The following SCML1 variants were observed in gnomAD, a reference collection of about 807,000 sequenced individuals.
SCML1 encodes the protein Scm polycomb group protein like 1, also known as sex comb on midleg-like protein 1.
For missense variants in SCML1, 137 were observed against 258.1 expected, an observed-to-expected ratio of 0.53 and a Z score of 3.22; for synonymous variants, 104 against 103.6, an observed-to-expected ratio of 1.00 and a Z score of -0.02.
chrX:17,753,477 G>A lies in SCML1; in HGVS notation c.*85G>A. ...TGTGGAATCATTTTTCTGCCCTTTA[G>A]TCGTTTTTGTTTTGTAGAAAGTATC... On this transcript the variant is annotated 3_prime_UTR_variant, in exon 8 of 8. Transcript: ENST00000380041. The A allele has an allele frequency of 2.6e-6, 2 of 770,260 alleles. No individual in the cohort carries two copies. The highest frequency in any genetic ancestry group is 4.1e-5 in the South Asian group (1 of 24,687). 63.5% of individuals were successfully genotyped at this position (770,260 alleles called of 1,213,427 possible). A position where few individuals can be genotyped will look rare whatever the true frequency, so the allele number is the denominator to read the frequency against.
At chrX:17,748,139 G>A (rs919495030) in intron 4 of SCML1, among the ~76,000 whole-genome samples, 1 of 111,608 alleles carries the variant, frequency 9.0e-6, no homozygotes, top group African/African-American at 3.3e-5. Context: ...CTACCAGTCC[G>A]TGGACCACAC....
chrX:17,742,919 G>T (rs2066609852), intron 1 of SCML1, among the ~76,000 whole-genome samples: 1 of 111,921 alleles, frequency 8.9e-6, no homozygotes, highest in Non-Finnish European at 1.9e-5. Flanking sequence ...GTCATATACT[G>T]TACTCTTTTG....
At chrX:17,745,126 A>G (rs1021570908) in intron 2 of SCML1, 2 of 143,529 alleles carry the variant, frequency 1.4e-5, no homozygotes, top group Non-Finnish European at 2.7e-5. Context: ...TTAGAAATCA[A>G]AAAACATGTA....
chrX:17,742,720 G>C (rs1381397375), intron 1 of SCML1, among the ~76,000 whole-genome samples: 2 of 112,238 alleles, frequency 1.8e-5, no homozygotes, highest in Admixed American at 1.9e-4. Context: ...TTCTTTATAA[G>C]AGCAAAACTT....
chrX:17,754,715 T>C lies in SCML1; in HGVS notation c.*1323T>C, dbSNP rs1289686006. On this transcript the variant is annotated 3_prime_UTR_variant, in exon 8 of 8. Coordinates refer to ENST00000380041, the MANE Select transcript of SCML1 (RefSeq NM_001037540.3). ...TATCACCATTAGCTATTTGCTGTAA[T>C]GTCAAGAAAATGTTCACCAGATGCA... 8.8e-6 allele frequency: 1 copy of C among 113,057 alleles called. No homozygotes were observed. The highest frequency in any genetic ancestry group is 1.9e-5 in the Non-Finnish European group (1 of 53,377). 9.3% of individuals were successfully genotyped at this position (113,057 alleles called of 1,213,427 possible). A position where few individuals can be genotyped will look rare whatever the true frequency, so the allele number is the denominator to read the frequency against.
Position 17,750,282 on chromosome X carries a change from C to T in SCML1, c.692C>T (p.Ala231Val), listed in dbSNP as rs1260190027. 1 of 1,203,662 alleles carries T rather than the reference C, an allele frequency of 8.3e-7. No individual in the cohort carries two copies. Among genetic ancestry groups the T allele is most frequent in the South Asian group, 1.8e-5 (1 of 55,389 alleles). ...TACTCAACTGACCATGCTTCTGCAG[C>T]ACCACCTTCAGGTATGCTGGCCCAG... ...NTYSTDHASA[A>V]PPSVTRSPVE... is the part of the protein sequence containing the mutation. Residue 231 changes from alanine to valine, a missense_variant, in exon 6 of 8, where the codon GCA (alanine) becomes GTA (valine). Ala to Val is a moderately conservative substitution (Grantham distance 64, BLOSUM62 0). Coordinates refer to ENST00000380041, the MANE Select transcript of SCML1 (RefSeq NM_001037540.3).
chrX:17,747,993 C>T (rs2066658736), intron 4 of SCML1, among the ~76,000 whole-genome samples: 1 of 111,234 alleles, frequency 9.0e-6, no homozygotes, highest in African/African-American at 3.3e-5. Context: ...GTGGTTCTCA[C>T]TAGGGCCATC....
intron 1 of SCML1, among the ~76,000 whole-genome samples, chrX:17,738,557 C>G (rs1468277420): frequency 2.7e-5 from 3 of 111,232 alleles, no homozygotes; most frequent in Non-Finnish European, 5.7e-5. Context: ...TTGAGAGTCC[C>G]GCAGGAAGGT....
At chrX:17,745,306 T>C in intron 2 of SCML1, 150 bp from the exon 3 acceptor site, 1 of 427,398 alleles carries the variant, frequency 2.3e-6, no homozygotes, top group Non-Finnish European at 4.1e-6. Context: ...CATCTTTTCA[T>C]GTAGTCATAG....
At position 17,749,417 on chromosome X, in the gene SCML1, G is replaced by C; in HGVS notation, c.216G>C (p.Leu72=). Reference sequence around the variant, plus strand: ...TATAATAGGTTATATATGATGCTCTGCAAAACCTGGATAAGAAGATTGATG... The same window carrying C: ...TATAATAGGTTATATATGATGCTCTCCAAAACCTGGATAAGAAGATTGATG... ...LIHCQVIYDA[L]QNLDKKIDVI... Residue 72 remains leucine, a synonymous_variant, in exon 5 of 8, where the codon CTG becomes CTC. Transcript: ENST00000380041. The C allele has an allele frequency of 8.5e-7, 1 of 1,179,926 alleles. No individual in the cohort carries two copies.
intron 5 of SCML1, 178 bp downstream of exon 5, chrX:17,749,682 A>G: frequency 2.0e-6 from 1 of 498,785 alleles, no homozygotes; most frequent in Non-Finnish European, 3.3e-6. Context: ...TAGGTTTGAT[A>G]ATTTATGATG....
chrX:17,749,766 A>G (rs969319518), intron 5 of SCML1, 128 bp from the exon 6 acceptor site: 30 of 636,818 alleles, frequency 4.7e-5, no homozygotes, highest in Non-Finnish European at 7.0e-5. Context: ...TTATATAATC[A>G]AAAGGGACCA....
chrX:17,754,897 C>G lies in SCML1; in HGVS notation c.*1505C>G, dbSNP rs2066747225. On this transcript the variant is annotated 3_prime_UTR_variant, in exon 8 of 8. Coordinates refer to ENST00000380041, the MANE Select transcript of SCML1 (RefSeq NM_001037540.3). ...TGTTTGTATGAAGATGCTGTACCCA[C>G]TTGAACAGTCCTCAGGTGTTTACAT... 8.8e-6 allele frequency: 1 copy of G among 113,037 alleles called. No homozygotes were observed. The highest frequency in any genetic ancestry group is 1.9e-5 in the Non-Finnish European group (1 of 53,347). 9.3% of individuals were successfully genotyped at this position (113,037 alleles called of 1,213,427 possible).
intron 7 of SCML1, among the ~76,000 whole-genome samples, 176 bp from the exon 8 acceptor site, chrX:17,753,082 C>T (rs1321366121): frequency 9.1e-6 from 1 of 110,137 alleles, no homozygotes; most frequent in African/African-American, 3.3e-5. Flanking sequence ...CCAAACGGTG[C>T]TTCACTGTAC....
intron 1 of SCML1, among the ~76,000 whole-genome samples, chrX:17,739,042 A>G (rs2066568618): frequency 8.9e-6 from 1 of 112,540 alleles, no homozygotes; most frequent in Admixed American, 9.4e-5. Context: ...ACTCATTTTT[A>G]TGGGATTTGA....
chrX:17,749,442 G>A lies in SCML1; in HGVS notation c.241G>A (p.Val81Met). Reference protein sequence around the residue: ...ALQNLDKKIDVIRRKVSKIQR... With the variant: ...ALQNLDKKIDMIRRKVSKIQR... ...GCAAAACCTGGATAAGAAGATTGATGTGATTCGTAGAAAGGTTTCAAAAAT... is the reference window on the plus strand; with the variant it reads ...GCAAAACCTGGATAAGAAGATTGATATGATTCGTAGAAAGGTTTCAAAAAT... The change falls in exon 5 of 8, where the codon GTG becomes ATG. Residue 81 changes from valine to methionine, a missense_variant. Physicochemically the swap from Val to Met is conservative, Grantham distance 21. Coordinates refer to ENST00000380041, the MANE Select transcript of SCML1 (RefSeq NM_001037540.3). 1 of 1,198,779 alleles carries A rather than the reference G, an allele frequency of 8.3e-7. No individual in the cohort carries two copies. Among genetic ancestry groups the A allele is most frequent in the Non-Finnish European group, 1.1e-6 (1 of 885,838 alleles).
intron 7 of SCML1, among the ~76,000 whole-genome samples, chrX:17,752,793 T>G (rs759967838): frequency 2.7e-5 from 3 of 111,661 alleles, no homozygotes; most frequent in South Asian, 3.8e-4. Flanking sequence ...TCTAATTAGT[T>G]TCAGACAACT....
chrX:17,746,105 A>G lies in SCML1; in HGVS notation c.198+7A>G. 1 of 1,086,027 alleles carries G rather than the reference A, an allele frequency of 9.2e-7. No homozygotes were observed. The highest frequency in any genetic ancestry group is 1.3e-6 in the Non-Finnish European group (1 of 796,428). 89.5% of individuals were successfully genotyped at this position (1,086,027 alleles called of 1,213,427 possible). On this transcript the variant is annotated splice_region_variant and intron_variant, in intron 4 of 7. Coordinates refer to ENST00000380041, the MANE Select transcript of SCML1 (RefSeq NM_001037540.3). ...TGTCCTTATTCATTGCCAGGTATGG[A>G]AGTTCTGTCTCTTCAATGTAGTTTT...
At chrX:17,742,600 T>C (rs1183390666) in intron 1 of SCML1, among the ~76,000 whole-genome samples, 1 of 112,132 alleles carries the variant, frequency 8.9e-6, no homozygotes, top group Non-Finnish European at 1.9e-5. Flanking sequence ...CCCTCCTTAG[T>C]GGGAAGAAGT....
Sources: gnomAD v4.1 joint callset for allele counts (sites outside exome capture counted in the v4.1 genomes callset) on GRCh38, gnomAD v4.1.1 for gene constraint, MANE v1.5 for transcripts, NCBI Gene and HGNC (gene_info 2026-07-23, HGNC 2026-07-21) for gene names.